The following ARB2A variants were observed in gnomAD, a reference collection of about 807,000 sequenced individuals.
ARB2A encodes the protein ARB2 cotranscriptional regulator A.
chr5:93,773,363 G>A, the ARB2A span, among the ~76,000 whole-genome samples: 8 of 152,310 alleles, frequency 5.3e-5, no homozygotes, highest in East Asian at 3.9e-4. Context: ...AAAGGAAAAC[G>A]TAGTTGCTAC....
the ARB2A span, among the ~76,000 whole-genome samples, chr5:94,105,205 T>A: frequency 6.6e-6 from 1 of 152,070 alleles, no homozygotes; most frequent in Non-Finnish European, 1.5e-5. Context: ...ATACTATCTC[T>A]GTTCACAGAT....
chr5:94,004,630 G>A, the ARB2A span, among the ~76,000 whole-genome samples: 3 of 151,710 alleles, frequency 2.0e-5, no homozygotes, highest in Admixed American at 6.6e-5. Flanking sequence ...CTGTTAAGAG[G>A]AGAAAAGGAC....
chr5:93,824,460 TA>T, the ARB2A span, among the ~76,000 whole-genome samples: 15 of 152,100 alleles, frequency 9.9e-5, no homozygotes, highest in Non-Finnish European at 1.6e-4. Flanking sequence ...AAAAAGTTTG[TA>T]AAAAAATAGA....
chr5:94,062,098 C>T, the ARB2A span, among the ~76,000 whole-genome samples: 3 of 152,082 alleles, frequency 2.0e-5, no homozygotes, highest in Non-Finnish European at 4.4e-5. Context: ...AAATAAAGAA[C>T]TCAAAAACAA....
the ARB2A span, among the ~76,000 whole-genome samples, chr5:93,652,596 T>C: frequency 6.6e-6 from 1 of 152,234 alleles, no homozygotes; most frequent in Non-Finnish European, 1.5e-5. Context: ...ACTCTAGATT[T>C]GTTGGTAGTC....
At chr5:94,078,506 T>C in the ARB2A span, among the ~76,000 whole-genome samples, 1 of 152,136 alleles carries the variant, frequency 6.6e-6, no homozygotes, top group Non-Finnish European at 1.5e-5. Flanking sequence ...AAAACGTTGG[T>C]GTGTGGGCAC....
At chr5:93,664,993 AT>A in the ARB2A span, among the ~76,000 whole-genome samples, 1 of 151,934 alleles carries the variant, frequency 6.6e-6, no homozygotes, top group Non-Finnish European at 1.5e-5. Context: ...TGCCTGGCTA[AT>A]TTTTGTATTT....
the ARB2A span, among the ~76,000 whole-genome samples, chr5:93,836,176 C>T: frequency 2.6e-5 from 4 of 152,078 alleles, no homozygotes; most frequent in Admixed American, 1.3e-4. Context: ...CACAGGCGCC[C>T]CCCACCACGC....
the ARB2A span, among the ~76,000 whole-genome samples, chr5:93,769,730 A>G: frequency 6.6e-6 from 1 of 152,302 alleles, no homozygotes; most frequent in East Asian, 1.9e-4. Flanking sequence ...GGTCATGATG[A>G]GCTCTTGTTC....
the ARB2A span, among the ~76,000 whole-genome samples, chr5:93,974,162 A>G: frequency 1.3e-5 from 2 of 152,238 alleles, no homozygotes; most frequent in Admixed American, 1.3e-4. Flanking sequence ...GCAATCTCAC[A>G]TGTAATGACA....
At chr5:93,698,525 A>G in the ARB2A span, among the ~76,000 whole-genome samples, 1 of 152,172 alleles carries the variant, frequency 6.6e-6, no homozygotes, top group Admixed American at 6.6e-5. Context: ...CGAGAAGGTG[A>G]TATTTGAACA....
chr5:93,816,057 C>T, the ARB2A span, among the ~76,000 whole-genome samples: 2 of 152,144 alleles, frequency 1.3e-5, no homozygotes, highest in African/African-American at 2.4e-5. Context: ...AGTCTAAATC[C>T]ACCTGGCTCC....
At chr5:94,016,464 A>T in the ARB2A span, among the ~76,000 whole-genome samples, 3 of 152,316 alleles carry the variant, frequency 2.0e-5, no homozygotes, top group Admixed American at 1.3e-4. Flanking sequence ...CATGCAGTAA[A>T]CTCATCGTGA....
the ARB2A span, among the ~76,000 whole-genome samples, chr5:93,960,104 C>G: frequency 8.7e-6 from 1 of 114,578 alleles, no homozygotes; most frequent in Non-Finnish European, 1.8e-5. Flanking sequence ...CCAAAAAAAG[C>G]CCTGGATTCT....
At chr5:93,832,338 A>G in the ARB2A span, among the ~76,000 whole-genome samples, 1 of 152,194 alleles carries the variant, frequency 6.6e-6, no homozygotes, top group Non-Finnish European at 1.5e-5. Context: ...ATTCCATCCC[A>G]TAAGAGACAT....
At chr5:93,733,837 G>A in the ARB2A span, 1 of 152,110 alleles carries the variant, frequency 6.6e-6, no homozygotes, top group Non-Finnish European at 1.5e-5. Context: ...AACACAGTTT[G>A]ACATAAATAA....
At chr5:93,996,456 G>A in the ARB2A span, among the ~76,000 whole-genome samples, 1 of 152,066 alleles carries the variant, frequency 6.6e-6, no homozygotes, top group Non-Finnish European at 1.5e-5. Context: ...GACAACCAGA[G>A]TGTTAAACTG....
the ARB2A span, among the ~76,000 whole-genome samples, chr5:93,984,530 C>T: frequency 6.6e-6 from 1 of 152,128 alleles, no homozygotes; most frequent in South Asian, 2.1e-4. Context: ...TTGTTTTGTG[C>T]CATTGTTTAT....
At chr5:94,074,265 G>A in the ARB2A span, among the ~76,000 whole-genome samples, 1 of 152,004 alleles carries the variant, frequency 6.6e-6, no homozygotes, top group East Asian at 1.9e-4. Context: ...TATCAGTAAT[G>A]CCAATGCCAC....
Sources: allele counts gnomAD v4.1 joint callset (sites outside exome capture counted in the v4.1 genomes callset), GRCh38; gene constraint gnomAD v4.1.1; transcripts MANE v1.5; gene names NCBI Gene and HGNC (gene_info 2026-07-23, HGNC 2026-07-21).